PBX1: variants seen among roughly 807,000 people sequenced by gnomAD.
PBX1 encodes the protein PBX homeobox 1, also known as pre-B-cell leukemia transcription factor 1.
In PBX1, 6 loss-of-function variants were observed where a neutral mutation model predicts 53.4. That is an observed-to-expected ratio of 0.11 (90% CI 0.06 to 0.22). PBX1 has a LOEUF of 0.22. Among genes scored for constraint, PBX1 ranks in the 10% least tolerant of loss-of-function variants. The pLI is 1.00. For missense variants in PBX1, 251 were observed against 551.4 expected (o/e 0.46, Z 5.46); for synonymous variants, 204 against 212.3 (o/e 0.96, Z 0.34).
chr1:164,867,906 G>A (rs894878717), intron 2 of PBX1, among the ~76,000 whole-genome samples: 3 of 152,166 alleles, frequency 2.0e-5, no homozygotes, highest in Admixed American at 1.3e-4. Flanking sequence ...TTCAGTAACA[G>A]CCCAGACTGG....
At chr1:164,808,361 C>T (rs973309324) in intron 5 of PBX1, among the ~76,000 whole-genome samples, 10 of 152,098 alleles carry the variant, frequency 6.6e-5, no homozygotes, top group Non-Finnish European at 1.2e-4. Flanking sequence ...ATTATGTGTA[C>T]GTGTATTTTG....
At chr1:164,676,914 C>A (rs1661463113) in intron 2 of PBX1, among the ~76,000 whole-genome samples, 1 of 152,212 alleles carries the variant, frequency 6.6e-6, no homozygotes, top group South Asian at 2.1e-4. Context: ...GTGTCAGGCT[C>A]ATCTCAACAC....
At chr1:164,756,012 AAAAG>A (rs1303811796) in intron 2 of PBX1, among the ~76,000 whole-genome samples, 2 of 151,326 alleles carry the variant, frequency 1.3e-5, no homozygotes, top group Non-Finnish European at 2.9e-5. Context: ...AAAAAAAAAA[AAAAG>A]AAAGAAAAAA....
At chr1:164,776,931 G>GTA (rs1667683372) in intron 2 of PBX1, among the ~76,000 whole-genome samples, 1 of 122,940 alleles carries the variant, frequency 8.1e-6, no homozygotes, top group Non-Finnish European at 1.8e-5. Context: ...GTGTGTGTGT[G>GTA]TGTGGTGGGA....
At chr1:164,707,418 T>TGTGTGTGTGTGAGA (rs58617739) in intron 2 of PBX1, among the ~76,000 whole-genome samples, 17 of 118,214 alleles carry the variant, frequency 1.4e-4, no homozygotes, top group African/African-American at 6.1e-4. Flanking sequence ...TGTGTGTGTG[T>TGTGTGTGTGTGAGA]GAGAGAGAGA....
chr1:164,649,378 G>C (rs1659651412), intron 2 of PBX1, among the ~76,000 whole-genome samples: 1 of 152,170 alleles, frequency 6.6e-6, no homozygotes, highest in African/African-American at 2.4e-5. Context: ...GGGAAGGAAA[G>C]TGTTAACTAT....
chr1:164,798,227 CT>C (rs781660524), intron 3 of PBX1, among the ~76,000 whole-genome samples: 17 of 152,180 alleles, frequency 1.1e-4, no homozygotes, highest in African/African-American at 1.2e-4. Context: ...CAGTAAATGT[CT>C]ACTATTGTTA....
intron 2 of PBX1, among the ~76,000 whole-genome samples, chr1:164,713,083 C>T (rs1448039339): frequency 1.1e-4 from 16 of 152,138 alleles, no homozygotes; most frequent in Non-Finnish European, 1.5e-5. Context: ...TTGATTGAGG[C>T]TCAAGGAGGA....
At chr1:164,590,420 C>T (rs1181025301) in intron 2 of PBX1, 4 of 455,820 alleles carry the variant, frequency 8.8e-6, no homozygotes, top group Admixed American at 2.4e-5. Context: ...TCGCCGCCGC[C>T]CCCCTGTGCT....
At chr1:164,817,424 G>A (rs1207491540) in intron 6 of PBX1, 5 of 152,200 alleles carry the variant, frequency 3.3e-5, no homozygotes, top group Non-Finnish European at 1.5e-5. Context: ...TGTGGTGTTA[G>A]TGGCACCTGG....
chr1:164,602,569 C>T (rs920236750), intron 2 of PBX1, among the ~76,000 whole-genome samples: 5 of 152,088 alleles, frequency 3.3e-5, no homozygotes, highest in Non-Finnish European at 5.9e-5. Context: ...CTCATACAGC[C>T]TCCACAGACA....
chr1:164,599,005 C>T (rs1053194047), intron 2 of PBX1, among the ~76,000 whole-genome samples: 1 of 151,830 alleles, frequency 6.6e-6, no homozygotes, highest in African/African-American at 2.4e-5. Flanking sequence ...ACCAACCCCG[C>T]CCTGCTGATA....
intron 2 of PBX1, among the ~76,000 whole-genome samples, chr1:164,761,024 C>T (rs546609599): frequency 4.6e-5 from 7 of 152,268 alleles, no homozygotes; most frequent in Non-Finnish European, 1.0e-4. Context: ...TGTCTGCCTG[C>T]CCCCACCCAT....
intron 2 of PBX1, among the ~76,000 whole-genome samples, chr1:164,786,655 C>T (rs1219276452): frequency 2.0e-5 from 3 of 149,510 alleles, no homozygotes; most frequent in Admixed American, 2.0e-4. Flanking sequence ...GCCAGAGTAT[C>T]GGTGTGCCTT....
chr1:164,633,608 G>C (rs1658555280), intron 2 of PBX1, among the ~76,000 whole-genome samples: 3 of 152,182 alleles, frequency 2.0e-5, no homozygotes, highest in African/African-American at 7.2e-5. Flanking sequence ...TGAATTACCT[G>C]AGCCTTTCCC....
chr1:164,738,357 C>T (rs975983519), intron 2 of PBX1, among the ~76,000 whole-genome samples: 1 of 152,168 alleles, frequency 6.6e-6, no homozygotes, highest in Non-Finnish European at 1.5e-5. Flanking sequence ...AATCCTCTAG[C>T]TCACTGTAGT....
At chr1:164,676,975 C>CT (rs200039272) in intron 2 of PBX1, among the ~76,000 whole-genome samples, 20 of 151,550 alleles carry the variant, frequency 1.3e-4, no homozygotes, top group East Asian at 3.9e-4. Flanking sequence ...TAGTTTCTAC[C>CT]TTTTTTTTTC....
rs183408328 is a variant in PBX1 at position 164,590,624 on chromosome 1, A to G, written c.265+27313A>G. ...TCTTCAGAATCATAGTGGACTATAT[A>G]TGACTCCCAAAAGTGTATGCTTTTA... On this transcript the variant is annotated intron_variant, in intron 2 of 8. Transcript: ENST00000420696. 4.6e-5 allele frequency among the ~76,000 whole-genome samples: 7 copies of G among 152,212 alleles called. No homozygotes were observed. The East Asian group carries it at 1.2e-3, about 25-fold the overall frequency.
chr1:164,615,305 G>A lies in PBX1; in HGVS notation c.265+51994G>A, dbSNP rs79110750. ...GACCAGTTTATTTCCATTTCTACTT[G>A]TTGAAATAACCTTTCAAATAACCAC... On this transcript the variant is annotated intron_variant, in intron 2 of 8. Coordinates refer to ENST00000420696, the MANE Select transcript of PBX1 (RefSeq NM_002585.4). Among the ~76,000 whole-genome samples the A allele has an allele frequency of 5.4e-4, 82 of 152,150 alleles. No individual in the cohort carries two copies. In the East Asian group the frequency reaches 0.015, roughly 28 times the overall value.
Sources: allele counts gnomAD v4.1 joint callset (sites outside exome capture counted in the v4.1 genomes callset), GRCh38; gene constraint gnomAD v4.1.1; transcripts MANE v1.5; gene names NCBI Gene and HGNC (gene_info 2026-07-23, HGNC 2026-07-21).